SASH1: variants seen among roughly 807,000 people sequenced by gnomAD.
The protein encoded by SASH1 is SAM and SH3 domain-containing protein 1.
In SASH1, 44 loss-of-function variants were observed where a neutral mutation model predicts 125.2. The observed-to-expected ratio is 0.35, with a 90% CI of 0.28 to 0.45. SASH1 has a LOEUF of 0.45. Ranked by LOEUF, SASH1 falls within the 20% of genes least tolerant of loss-of-function variation. The probability of loss-of-function intolerance (pLI) is 1.00; values close to 1 mark genes in which losing one functional copy is unlikely to be tolerated. For missense variants in SASH1, 1,426 were observed against 1,614.5 expected (o/e 0.88, Z 2.00); for synonymous variants, 639 against 649.1 (o/e 0.98, Z 0.24).
At chr6:148,484,022 T>C (rs1313133433) in intron 7 of SASH1, among the ~76,000 whole-genome samples, 1 of 152,180 alleles carries the variant, frequency 6.6e-6, no homozygotes, top group African/African-American at 2.4e-5. Context: ...AAAGAGTACA[T>C]ATTTCGGATG....
the SASH1 span, among the ~76,000 whole-genome samples, chr6:148,211,537 C>T: frequency 6.6e-6 from 1 of 151,370 alleles, no homozygotes; most frequent in African/African-American, 2.4e-5. Flanking sequence ...TGCCACTGCA[C>T]TCCAGCCTGG....
intron 1 of SASH1, among the ~76,000 whole-genome samples, chr6:148,307,417 G>A (rs1187409969): frequency 2.0e-5 from 3 of 151,870 alleles, no homozygotes; most frequent in East Asian, 1.9e-4. Flanking sequence ...CACCTGGCCA[G>A]CACAACCTTT....
chr6:148,225,718 T>C, the SASH1 span, among the ~76,000 whole-genome samples: 7 of 152,102 alleles, frequency 4.6e-5, no homozygotes, highest in African/African-American at 1.7e-4. Context: ...CCAACAACTA[T>C]GGAAATTTTT....
chr6:148,457,666 G>A (rs1487765069), intron 4 of SASH1, among the ~76,000 whole-genome samples: 11 of 151,986 alleles, frequency 7.2e-5, no homozygotes, highest in Non-Finnish European at 2.9e-5. Context: ...TCGTTTCTTC[G>A]CCACTAACTG....
At position 148,397,946 on chromosome 6, in the gene SASH1, G is replaced by T. The variant is rs79761548; in HGVS notation, c.285+7684G>T. On this transcript the variant is annotated intron_variant, in intron 2 of 19. Coordinates refer to ENST00000367467, the MANE Select transcript of SASH1 (RefSeq NM_015278.5). ...AACATACTCTTACCGTGCTGTGCAG[G>T]AGTACAGAAGAGGGTCCCTGATGAC... Among the ~76,000 whole-genome samples, 3 of 152,244 alleles carry T rather than the reference G, an allele frequency of 2.0e-5. No homozygotes were observed. The East Asian group carries it at 5.8e-4, about 29-fold the overall frequency.
chr6:148,270,423 G>T (rs1779034986), upstream of SASH1, among the ~76,000 whole-genome samples: 1 of 152,114 alleles, frequency 6.6e-6, no homozygotes, highest in Admixed American at 6.6e-5. Context: ...CTAAATAAGT[G>T]CATTACTGAT....
chr6:148,470,901 C>T (rs555755328), intron 5 of SASH1, among the ~76,000 whole-genome samples: 5 of 152,266 alleles, frequency 3.3e-5, no homozygotes, highest in Admixed American at 3.3e-4. Flanking sequence ...AGGGGACCAA[C>T]TCCCCTGACC....
intron 9 of SASH1, among the ~76,000 whole-genome samples, chr6:148,516,403 G>A (rs956067779): frequency 6.6e-6 from 1 of 152,176 alleles, no homozygotes; most frequent in Non-Finnish European, 1.5e-5. Flanking sequence ...AACTCTCTGA[G>A]GGTCCTCACT....
the SASH1 span, among the ~76,000 whole-genome samples, chr6:148,198,295 A>C: frequency 3.1e-4 from 47 of 152,268 alleles, no homozygotes; most frequent in African/African-American, 1.1e-3. Context: ...AGTCAATTAA[A>C]CTTCTTTCCT....
intron 1 of SASH1, among the ~76,000 whole-genome samples, chr6:148,297,524 G>T (rs1779795990): frequency 6.6e-6 from 1 of 152,066 alleles, no homozygotes; most frequent in Non-Finnish European, 1.5e-5. Context: ...GCAGTATTTG[G>T]GATATATATG....
chr6:148,213,700 C>T, the SASH1 span, among the ~76,000 whole-genome samples: 2 of 152,060 alleles, frequency 1.3e-5, no homozygotes, highest in South Asian at 2.1e-4. Context: ...GATTAGAGGT[C>T]GCTTTCAGTT....
intron 18 of SASH1, among the ~76,000 whole-genome samples, chr6:148,545,328 C>T (rs1256090724): frequency 6.6e-6 from 1 of 152,178 alleles, no homozygotes; most frequent in Non-Finnish European, 1.5e-5. Flanking sequence ...AGGATGCATT[C>T]CTGAGAGTCC....
intron 2 of SASH1, among the ~76,000 whole-genome samples, chr6:148,409,836 A>C (rs927824810): frequency 1.2e-4 from 18 of 152,142 alleles, no homozygotes; most frequent in Admixed American, 8.5e-4. Context: ...CGGAAGGCTG[A>C]GTCAGGCAAA....
At chr6:148,265,491 T>C in the SASH1 span, among the ~76,000 whole-genome samples, 1 of 152,212 alleles carries the variant, frequency 6.6e-6, no homozygotes, top group Non-Finnish European at 1.5e-5. Context: ...TTTGTGGACC[T>C]CACCAAGGTG....
intron 1 of SASH1, among the ~76,000 whole-genome samples, chr6:148,383,792 A>G (rs1269626060): frequency 6.6e-6 from 1 of 152,210 alleles, no homozygotes; most frequent in African/African-American, 2.4e-5. Flanking sequence ...GTGAATTGGG[A>G]TAAATCTCAG....
intron 1 of SASH1, among the ~76,000 whole-genome samples, chr6:148,385,570 G>A (rs1018606060): frequency 2.6e-5 from 4 of 152,150 alleles, no homozygotes; most frequent in African/African-American, 7.2e-5. Context: ...GGAAAGACCC[G>A]GGCTGGATTA....
the SASH1 span, among the ~76,000 whole-genome samples, chr6:148,203,710 G>A: frequency 6.6e-6 from 1 of 152,180 alleles, no homozygotes; most frequent in Non-Finnish European, 1.5e-5. Context: ...CAGAGCACGA[G>A]GATGAGTTTT....
the SASH1 span, among the ~76,000 whole-genome samples, chr6:148,234,602 G>A: frequency 6.6e-6 from 1 of 152,016 alleles, no homozygotes; most frequent in Non-Finnish European, 1.5e-5. Flanking sequence ...AAGGCAGGTA[G>A]ATAACCTGAG....
rs1352121152 is a variant in SASH1 at position 148,355,615 on chromosome 6, A to G, written c.156+12392A>G. On this transcript the variant is annotated intron_variant, in intron 1 of 19. Coordinates refer to ENST00000367467, the MANE Select transcript of SASH1 (RefSeq NM_015278.5). ...GTTTGTCATGCCCCTGAGTGGCTGC[A>G]TATTCTGAGTCTGGGTCTTTAGAAA... 2.6e-5 allele frequency among the ~76,000 whole-genome samples: 4 copies of G among 152,192 alleles called. No homozygotes were observed. The South Asian group carries it at 6.2e-4, about 24-fold the overall frequency.
Sources: allele counts gnomAD v4.1 joint callset (sites outside exome capture counted in the v4.1 genomes callset), GRCh38; gene constraint gnomAD v4.1.1; transcripts MANE v1.5; gene names NCBI Gene and HGNC (gene_info 2026-07-23, HGNC 2026-07-21).